The following RTL4 variants were observed in gnomAD, a reference collection of about 807,000 sequenced individuals.
RTL4 encodes the protein retrotransposon Gag-like protein 4.
RTL4 carries 4 observed loss-of-function variants against 5.3 expected under a neutral mutation model. That is an observed-to-expected ratio of 0.75 (90% confidence interval 0.37 to 1.72). RTL4 has a LOEUF of 1.72. RTL4 is among the 40% of genes most tolerant of loss of function. RTL4 has a pLI of 0.04. For synonymous variants in RTL4, 98 were observed against 87.3 expected, an observed-to-expected ratio of 1.12 and a Z score of -0.68; for missense variants, 260 against 227.1, an observed-to-expected ratio of 1.14 and a Z score of -0.93.
At chrX:112,186,557 G>A in the RTL4 span, among the ~76,000 whole-genome samples, 21 of 111,926 alleles carry the variant, frequency 1.9e-4, no homozygotes, top group African/African-American at 5.5e-4. Context: ...GAAAGAAAAC[G>A]GGAAAAACTG....
At chrX:112,247,571 A>G in the RTL4 span, among the ~76,000 whole-genome samples, 5 of 112,326 alleles carry the variant, frequency 4.5e-5, no homozygotes, top group African/African-American at 1.6e-4. Context: ...CTTCAAGACA[A>G]TACTTTAAGG....
chrX:112,242,057 C>A, the RTL4 span, among the ~76,000 whole-genome samples: 1 of 111,401 alleles, frequency 9.0e-6, no homozygotes, highest in East Asian at 2.8e-4. Flanking sequence ...TGGTCTATAT[C>A]TCTGTTTTGG....
chrX:112,205,626 C>G, the RTL4 span, among the ~76,000 whole-genome samples: 5 of 111,095 alleles, frequency 4.5e-5, no homozygotes, highest in African/African-American at 6.6e-5. Context: ...CACACACACA[C>G]GCACACACAC....
At chrX:112,100,608 C>T in the RTL4 span, among the ~76,000 whole-genome samples, 1 of 111,844 alleles carries the variant, frequency 8.9e-6, no homozygotes, top group Non-Finnish European at 1.9e-5. Context: ...GGGGCATAAA[C>T]TAGATAGTGG....
chrX:112,368,910 C>G, the RTL4 span, among the ~76,000 whole-genome samples: 2 of 112,340 alleles, frequency 1.8e-5, no homozygotes, highest in Non-Finnish European at 3.8e-5. Context: ...TGTATGTGGT[C>G]CCAATAACCT....
the RTL4 span, among the ~76,000 whole-genome samples, chrX:112,196,856 A>T: frequency 9.0e-6 from 1 of 111,021 alleles, no homozygotes; most frequent in Non-Finnish European, 1.9e-5. Flanking sequence ...CTGTTGAATT[A>T]TAAAATTTCT....
chrX:112,162,216 A>G, the RTL4 span, among the ~76,000 whole-genome samples: 1 of 111,345 alleles, frequency 9.0e-6, no homozygotes, highest in South Asian at 3.7e-4. Context: ...CCATAAAGCT[A>G]TAGGAAACAT....
the RTL4 span, among the ~76,000 whole-genome samples, chrX:112,236,814 C>T: frequency 1.3e-4 from 14 of 110,860 alleles, no homozygotes; most frequent in South Asian, 3.9e-4. Context: ...TGTTACCTTA[C>T]ATGGCAAAAG....
the RTL4 span, among the ~76,000 whole-genome samples, chrX:112,182,155 T>C: frequency 1.8e-5 from 2 of 111,085 alleles, no homozygotes; most frequent in Non-Finnish European, 3.8e-5. Context: ...AAAAACGACA[T>C]CCACACAGAA....
At chrX:112,098,056 A>C in the RTL4 span, among the ~76,000 whole-genome samples, 17,515 of 109,585 alleles carry the variant, frequency 0.16, 2,295 homozygotes, top group African/African-American at 0.42. Context: ...TGTGCTGCAC[A>C]CATTAACTCG....
chrX:112,326,752 C>T, the RTL4 span, among the ~76,000 whole-genome samples: 13 of 111,847 alleles, frequency 1.2e-4, no homozygotes, highest in African/African-American at 3.9e-4. Context: ...ACTTAAATGT[C>T]CCTGTCTGAC....
At chrX:112,377,662 G>A in the RTL4 span, among the ~76,000 whole-genome samples, 1 of 112,064 alleles carries the variant, frequency 8.9e-6, no homozygotes, top group African/African-American at 3.2e-5. Flanking sequence ...TGATGTGAAA[G>A]GCTGCCAACT....
chrX:112,134,712 A>C, the RTL4 span, among the ~76,000 whole-genome samples: 1 of 111,978 alleles, frequency 8.9e-6, no homozygotes, highest in Admixed American at 9.5e-5. Flanking sequence ...GCTCCTTTGG[A>C]TTTTCCTCCT....
At chrX:112,405,579 G>A in the RTL4 span, among the ~76,000 whole-genome samples, 25 of 111,782 alleles carry the variant, frequency 2.2e-4, no homozygotes, top group African/African-American at 7.5e-4. Context: ...GTAGCAGCTT[G>A]TGCTTGGAAA....
the RTL4 span, among the ~76,000 whole-genome samples, chrX:112,236,832 G>T: frequency 9.0e-6 from 1 of 111,061 alleles, no homozygotes; most frequent in Non-Finnish European, 1.9e-5. Flanking sequence ...AAGGGCCTTT[G>T]CACGTGTGAT....
At chrX:112,128,218 A>G in the RTL4 span, among the ~76,000 whole-genome samples, 1 of 111,821 alleles carries the variant, frequency 8.9e-6, no homozygotes, top group Non-Finnish European at 1.9e-5. Flanking sequence ...ATAAGGACAT[A>G]TCTGTAGACT....
At chrX:112,147,457 G>A in the RTL4 span, among the ~76,000 whole-genome samples, 1 of 111,549 alleles carries the variant, frequency 9.0e-6, no homozygotes, top group African/African-American at 3.3e-5. Context: ...AGGAAATTCT[G>A]TGGCTCTGGA....
At chrX:112,348,370 GTT>G in the RTL4 span, among the ~76,000 whole-genome samples, 198 of 94,414 alleles carry the variant, frequency 2.1e-3, no homozygotes, top group African/African-American at 7.2e-3. Flanking sequence ...CTTAATTTGT[GTT>G]TTTTTTTTTT....
At chrX:112,321,634 C>A in the RTL4 span, among the ~76,000 whole-genome samples, 1 of 111,343 alleles carries the variant, frequency 9.0e-6, no homozygotes, top group South Asian at 3.7e-4. Context: ...TGTTTGAATG[C>A]CTACAAAGAC....
Sources: allele counts gnomAD v4.1 joint callset (sites outside exome capture counted in the v4.1 genomes callset), GRCh38; gene constraint gnomAD v4.1.1; transcripts MANE v1.5; gene names NCBI Gene and HGNC (gene_info 2026-07-23, HGNC 2026-07-21).